The following TTC17 variants were observed in gnomAD, a reference collection of about 807,000 sequenced individuals.
The protein encoded by TTC17 is tetratricopeptide repeat protein 17.
In TTC17, 58 loss-of-function variants were observed where a neutral mutation model predicts 143.8. That is an observed-to-expected ratio of 0.40 (90% CI 0.33 to 0.50). The LOEUF (loss-of-function observed/expected upper bound fraction) is 0.50, where lower values mean the gene tolerates loss of function less well. Among genes scored for constraint, TTC17 ranks in the 20% least tolerant of loss-of-function variants. TTC17 has a pLI of 0.49. For synonymous variants in TTC17, 501 were observed against 497.8 expected, an observed-to-expected ratio of 1.01 and a Z score of -0.09; for missense variants, 1,273 against 1,392.5, an observed-to-expected ratio of 0.91 and a Z score of 1.37.
chr11:43,432,807 T>A (rs1342501079), intron 16 of TTC17, among the ~76,000 whole-genome samples: 1 of 152,214 alleles, frequency 6.6e-6, no homozygotes, highest in Non-Finnish European at 1.5e-5. Context: ...CCCTTTGAGC[T>A]GGAGCAGACC....
chr11:43,429,892 A>G (rs2134676550), intron 16 of TTC17, among the ~76,000 whole-genome samples: 1 of 152,350 alleles, frequency 6.6e-6, no homozygotes, highest in East Asian at 1.9e-4. Context: ...AGTAGACTGT[A>G]GAGTATAATA....
intron 21 of TTC17, among the ~76,000 whole-genome samples, chr11:43,467,867 A>G: frequency 6.7e-6 from 1 of 149,986 alleles, no homozygotes; most frequent in African/African-American, 2.4e-5. Context: ...GACATGTGGG[A>G]CACATCCAAA....
At chr11:43,475,126 A>G (rs1019956551) in intron 21 of TTC17, among the ~76,000 whole-genome samples, 1 of 152,216 alleles carries the variant, frequency 6.6e-6, no homozygotes, top group Non-Finnish European at 1.5e-5. Context: ...TCAAGGGTCA[A>G]CTGTATTTGA....
chr11:43,466,165 C>T (rs969071232), intron 21 of TTC17, among the ~76,000 whole-genome samples: 28 of 152,276 alleles, frequency 1.8e-4, no homozygotes, highest in African/African-American at 6.3e-4. Context: ...AGCCAACAAG[C>T]ATATGCAAAT....
chr11:43,395,416 A>C (rs1857549094), intron 5 of TTC17: 1 of 152,142 alleles, frequency 6.6e-6, no homozygotes, highest in South Asian at 2.1e-4. Context: ...AGAACTTTTA[A>C]TTGAACTTTT....
At chr11:43,437,208 A>G (rs751348718) in intron 16 of TTC17, among the ~76,000 whole-genome samples, 11 of 152,184 alleles carry the variant, frequency 7.2e-5, no homozygotes, top group Non-Finnish European at 1.3e-4. Context: ...ATTTTCTGAA[A>G]TGCTTCTAAT....
intron 1 of TTC17, among the ~76,000 whole-genome samples, chr11:43,365,583 T>C (rs1856303863): frequency 6.6e-6 from 1 of 152,246 alleles, no homozygotes; most frequent in African/African-American, 2.4e-5. Flanking sequence ...ATCTCCTTCT[T>C]AACTTTGTTG....
intron 15 of TTC17, among the ~76,000 whole-genome samples, chr11:43,409,760 C>T (rs1293619547): frequency 6.6e-6 from 1 of 152,222 alleles, no homozygotes; most frequent in South Asian, 2.1e-4. Context: ...AAACAAGTTT[C>T]GCTTGCTTAA....
rs1202699014 is a variant in TTC17 at position 43,427,100 on chromosome 11, A to G, written c.2251+12324A>G. ...TTTTAAACTTTGGTTTAAATATCAT[A>G]CTTACTACCTATACCAATGCAAAGG... On this transcript the variant is annotated intron_variant, in intron 16 of 23. Coordinates refer to ENST00000039989, the MANE Select transcript of TTC17 (RefSeq NM_018259.6). Among the ~76,000 whole-genome samples the G allele has an allele frequency of 3.3e-5, 5 of 152,304 alleles. No homozygotes were observed. The East Asian group carries it at 7.7e-4, about 23-fold the overall frequency.
chr11:43,384,099 A>G (rs1333478648), intron 2 of TTC17, among the ~76,000 whole-genome samples: 1 of 151,722 alleles, frequency 6.6e-6, no homozygotes, highest in African/African-American at 2.4e-5. Flanking sequence ...GAGCTATGAT[A>G]GTACCACCGC....
chr11:43,427,845 C>A (rs1024580916), intron 16 of TTC17, among the ~76,000 whole-genome samples: 2 of 152,086 alleles, frequency 1.3e-5, no homozygotes, highest in Non-Finnish European at 2.9e-5. Flanking sequence ...TACCCTCCCC[C>A]CAACATTTAG....
At chr11:43,491,193 C>T (rs1213068568) in intron 22 of TTC17, 1 of 152,224 alleles carries the variant, frequency 6.6e-6, no homozygotes, top group Non-Finnish European at 1.5e-5. Context: ...GTCATGCATT[C>T]TATGGCTGTC....
intron 2 of TTC17, among the ~76,000 whole-genome samples, chr11:43,385,368 C>G (rs1473880977): frequency 6.6e-6 from 1 of 152,138 alleles, no homozygotes; most frequent in Non-Finnish European, 1.5e-5. Flanking sequence ...AACATGTTCT[C>G]TGATCACAGT....
At chr11:43,365,149 A>G (rs1590301001) in intron 1 of TTC17, among the ~76,000 whole-genome samples, 1 of 152,038 alleles carries the variant, frequency 6.6e-6, no homozygotes, top group Non-Finnish European at 1.5e-5. Flanking sequence ...CACCCAGGCT[A>G]GAGTGCAGTG....
chr11:43,366,860 C>T (rs185615954), intron 1 of TTC17, among the ~76,000 whole-genome samples: 77 of 152,174 alleles, frequency 5.1e-4, no homozygotes, highest in Non-Finnish European at 8.4e-4. Context: ...CCAAATATGC[C>T]GTGTTCTCAC....
chr11:43,423,451 A>G (rs2134654861), intron 16 of TTC17, among the ~76,000 whole-genome samples: 1 of 152,352 alleles, frequency 6.6e-6, no homozygotes, highest in South Asian at 2.1e-4. Context: ...ACTAACATTT[A>G]AGGAACAGAG....
rs1857997992 is a variant in TTC17, at chr11:43,404,045, T to C, written c.1380T>C (p.Asp460=). ...CCAGTATGATGTCTGTGAACTTTGA[T>C]GTTCAATCAAATCAGAGTGATATCA... ...STSSMMSVNF[D]VQSNQSDIND... Residue 460 remains aspartate (D), a synonymous_variant, in exon 11 of 24, where the codon GAT becomes GAC. Transcript: ENST00000039989. 5 of 1,612,750 alleles carry C rather than the reference T, an allele frequency of 3.1e-6. No homozygotes were observed. Among genetic ancestry groups the C allele is most frequent in the Non-Finnish European group, 4.2e-6 (5 of 1,179,280 alleles).
chr11:43,397,933 TGTGTG>T (rs763594194), intron 7 of TTC17, 36 bp from the exon 8 acceptor site: 3 of 1,581,224 alleles, frequency 1.9e-6, no homozygotes, highest in Non-Finnish European at 2.6e-6. Flanking sequence ...TGTGTGTGTG[TGTGTG>T]TGTGTGTGTG....
At chr11:43,473,926 A>G (rs1590484410) in intron 21 of TTC17, among the ~76,000 whole-genome samples, 1 of 151,990 alleles carries the variant, frequency 6.6e-6, no homozygotes, top group Non-Finnish European at 1.5e-5. Context: ...TGACCTTTAC[A>G]GGGAAGAAAC....
Sources: allele counts gnomAD v4.1 joint callset (sites outside exome capture counted in the v4.1 genomes callset), GRCh38; gene constraint gnomAD v4.1.1; transcripts MANE v1.5; gene names NCBI Gene and HGNC (gene_info 2026-07-23, HGNC 2026-07-21).